The following CALCB variants were observed in gnomAD, a reference collection of about 807,000 sequenced individuals.
The protein encoded by CALCB is calcitonin gene-related peptide 2.
Under a neutral mutation model 10.7 loss-of-function variants are expected in CALCB, and 8 were observed. The observed-to-expected ratio is 0.75, with a 90% confidence interval of 0.44 to 1.34. CALCB has a LOEUF of 1.34. Ranked by LOEUF, CALCB falls within the 40% of genes most tolerant of loss-of-function variation. The probability of loss-of-function intolerance (pLI) is 0.01; values close to 1 mark genes in which losing one functional copy is unlikely to be tolerated. For synonymous variants in CALCB, 76 were observed against 66.9 expected (o/e 1.14, Z -0.66); for missense variants, 176 against 162.5 (o/e 1.08, Z -0.45).
chr11:15,075,405 C>T (rs1850385110), intron 3 of CALCB, among the ~76,000 whole-genome samples: 1 of 152,128 alleles, frequency 6.6e-6, no homozygotes, highest in Admixed American at 6.5e-5. Flanking sequence ...TAAAAAGCTC[C>T]GTTTCTGAAA....
chr11:15,074,860 C>G, intron 2 of CALCB, 56 bp downstream of exon 2: 1 of 1,498,992 alleles, frequency 6.7e-7, no homozygotes, highest in Non-Finnish European at 9.2e-7. Flanking sequence ...TAGGACCAGA[C>G]AGCTCTGTGC....
At chr11:15,074,438 C>G (rs1850375243) in intron 1 of CALCB, among the ~76,000 whole-genome samples, 1 of 152,234 alleles carries the variant, frequency 6.6e-6, no homozygotes, top group South Asian at 2.1e-4. Context: ...TGCACGGGCG[C>G]GTGTGGCTTC....
At chr11:15,075,719 C>A (rs541739516) in intron 3 of CALCB, among the ~76,000 whole-genome samples, 1 of 152,268 alleles carries the variant, frequency 6.6e-6, no homozygotes, top group African/African-American at 2.4e-5. Context: ...GGGGACAGAG[C>A]AGTGTCTGAG....
chr11:15,077,875 G>A (rs544851015), intron 4 of CALCB, among the ~76,000 whole-genome samples: 2 of 152,264 alleles, frequency 1.3e-5, no homozygotes, highest in East Asian at 1.9e-4. Flanking sequence ...TGCCTTACAA[G>A]CCTGCTTACC....
rs756855430 is a variant in CALCB, at chr11:15,075,199, G to A, written c.224+1G>A. The A allele has an allele frequency of 1.9e-6, 3 of 1,614,072 alleles. No homozygotes were observed. The highest frequency in any genetic ancestry group is 2.2e-5 in the South Asian group (2 of 91,070). On this transcript the variant is annotated splice_donor_variant, in intron 3 of 4. Coordinates refer to ENST00000324229, the MANE Select transcript of CALCB (RefSeq NM_000728.4). LOFTEE classifies it high-confidence loss of function. ...AGGAGCAGGAGACACAGGGCTCCAG[G>A]TGAGGTTCCCCAAGCGCCCAGCACA...
intron 3 of CALCB, among the ~76,000 whole-genome samples, chr11:15,077,065 G>A (rs773920988): frequency 6.6e-6 from 1 of 152,150 alleles, no homozygotes; most frequent in Non-Finnish European, 1.5e-5. Context: ...TGTGCCCCGT[G>A]GCTTGGAATT....
At chr11:15,077,604 T>C (rs1850408299) in intron 4 of CALCB, 134 bp downstream of exon 4, 1 of 802,536 alleles carries the variant, frequency 1.2e-6, no homozygotes, top group Non-Finnish European at 1.9e-6. Flanking sequence ...AGGCAGTGAG[T>C]TCTTTCTAGA....
Position 15,074,693 on chromosome 11 carries a change from T to C in CALCB, c.-9-17T>C, listed in dbSNP as rs771935482. On this transcript the variant is annotated splice_polypyrimidine_tract_variant and intron_variant, in intron 1 of 4. Coordinates refer to ENST00000324229, the MANE Select transcript of CALCB (RefSeq NM_000728.4). The stretch of plus-strand genomic sequence containing the variant: ...GATCTGTGCTGGTGCAGTAGTAACG[T>C]CATCCTTCCTTTACAGAGAGGCGGC... The C allele has an allele frequency of 6.3e-7, 1 of 1,597,300 alleles. No individual in the cohort carries two copies. The highest frequency in any genetic ancestry group is 2.2e-5 in the East Asian group (1 of 44,784).
chr11:15,076,340 G>A lies in CALCB; in HGVS notation c.225-946G>A, dbSNP rs1055150726. On this transcript the variant is annotated intron_variant, in intron 3 of 4. Transcript: ENST00000324229. ...ACAGCTTGCAGAGGGACCACTACCC[G>A]ACTCCAGGGTCCCCCAGATGGCAGC... is the stretch of plus-strand genomic sequence containing the variant. 5.3e-5 allele frequency among the ~76,000 whole-genome samples: 8 copies of A among 152,282 alleles called. No homozygotes were observed. In the East Asian group the frequency reaches 9.6e-4, roughly 18 times the overall value.
intron 3 of CALCB, among the ~76,000 whole-genome samples, chr11:15,075,483 G>C (rs1850385943): frequency 6.6e-6 from 1 of 152,226 alleles, no homozygotes; most frequent in Non-Finnish European, 1.5e-5. Context: ...AAAACTGATA[G>C]AAAATGAAAT....
rs761904079 is a variant in CALCB at position 15,077,326 on chromosome 11, G to T, written c.265G>T (p.Val89Leu). The T allele has an allele frequency of 5.0e-6, 8 of 1,614,138 alleles. 1 individual carries two copies. The South Asian group carries it at 6.6e-5, about 13-fold the overall frequency. Residue 89 changes from valine to leucine, a missense_variant, in exon 4 of 5, where the codon GTG becomes TTG. Coordinates refer to ENST00000324229, the MANE Select transcript of CALCB (RefSeq NM_000728.4). ...QKRACNTATC[V>L]THRLAGLLSR... is the part of the protein sequence containing the mutation. Reference sequence around the variant, plus strand: ...GAGAGCCTGCAACACTGCCACCTGTGTGACTCATCGGCTGGCAGGCTTGCT... The same window carrying T: ...GAGAGCCTGCAACACTGCCACCTGTTTGACTCATCGGCTGGCAGGCTTGCT...
chr11:15,076,345 C>T (rs1306610627), intron 3 of CALCB, among the ~76,000 whole-genome samples: 4 of 152,186 alleles, frequency 2.6e-5, no homozygotes, highest in African/African-American at 7.2e-5. Flanking sequence ...TACCCGACTC[C>T]AGGGTCCCCC....
intron 3 of CALCB, among the ~76,000 whole-genome samples, chr11:15,076,322 G>A (rs1172533129): frequency 1.3e-5 from 2 of 152,236 alleles, no homozygotes; most frequent in East Asian, 1.9e-4. Flanking sequence ...TCAACAGCTT[G>A]CAGAGGGACC....
rs1850367560 is a variant in CALCB at position 15,073,628 on chromosome 11, C to T, written c.-45C>T. 6.6e-6 allele frequency: 1 copy of T among 152,288 alleles called. No individual in the cohort carries two copies. The highest frequency in any genetic ancestry group is 2.4e-5 in the African/African-American group (1 of 41,464). The allele number at this position is 152,288 out of a possible 1,614,324, so 9.4% of individuals were successfully genotyped here. On this transcript the variant is annotated 5_prime_UTR_variant, in exon 1 of 5. Coordinates refer to ENST00000324229, the MANE Select transcript of CALCB (RefSeq NM_000728.4). ...GGTGTGGTGTTCATCCCGGGTCGAC[C>T]GGCCGCTCGCGCTGCCCTGAAACTC...
intron 3 of CALCB, among the ~76,000 whole-genome samples, chr11:15,077,081 T>G (rs1355863782): frequency 6.6e-6 from 1 of 152,186 alleles, no homozygotes; most frequent in Non-Finnish European, 1.5e-5. Context: ...GAATTGTTTT[T>G]TCTTCTTTCT....
At chr11:15,076,078 A>T (rs111933159) in intron 3 of CALCB, among the ~76,000 whole-genome samples, 2 of 152,048 alleles carry the variant, frequency 1.3e-5, no homozygotes, top group African/African-American at 4.8e-5. Context: ...CTCCCACTCG[A>T]CATGTCCCCT....
chr11:15,075,076 C>A lies in CALCB; in HGVS notation c.102C>A (p.Ser34Arg). Residue 34 changes from serine to arginine, a missense_variant, in exon 3 of 5, where the codon AGC (serine) becomes AGA (arginine). Ser to Arg is a moderately radical substitution (Grantham distance 110, BLOSUM62 -1). Coordinates refer to ENST00000324229, the MANE Select transcript of CALCB (RefSeq NM_000728.4). ...QAAPFRSALE[S>R]SPDPATLSKE... ...CCTTCCACAGGTCTGCCCTGGAGAG[C>A]AGCCCAGACCCGGCCACACTCAGTA... is the stretch of plus-strand genomic sequence containing the variant. 4 of 1,614,228 alleles carry A rather than the reference C, an allele frequency of 2.5e-6. No homozygotes were observed. The highest frequency in any genetic ancestry group is 3.4e-6 in the Non-Finnish European group (4 of 1,180,032).
intron 3 of CALCB, among the ~76,000 whole-genome samples, chr11:15,076,713 T>C (rs1850398314): frequency 6.6e-6 from 1 of 152,266 alleles, no homozygotes; most frequent in South Asian, 2.1e-4. Flanking sequence ...CTCATTGCTC[T>C]GGTCCACATC....
chr11:15,077,543 G>A (rs1850407665), intron 4 of CALCB, 73 bp downstream of exon 4: 1 of 1,454,672 alleles, frequency 6.9e-7, no homozygotes. Context: ...GAAAACCTCT[G>A]CTCTGGTAGG....
Sources: gnomAD v4.1 joint callset for allele counts (sites outside exome capture counted in the v4.1 genomes callset) on GRCh38, gnomAD v4.1.1 for gene constraint, MANE v1.5 for transcripts, NCBI Gene and HGNC (gene_info 2026-07-23, HGNC 2026-07-21) for gene names.